Variants in DLG2 observed in about 807,000 individuals in gnomAD.
DLG2 encodes disks large homolog 2.
Under a neutral mutation model 132.5 loss-of-function variants are expected in DLG2, and 45 were observed. The ratio of observed to expected loss-of-function variants is 0.34; its 90% CI spans 0.27 to 0.44. The LOEUF (loss-of-function observed/expected upper bound fraction) is 0.44, where lower values mean the gene tolerates loss of function less well. DLG2 is among the 20% of genes least tolerant of loss of function. The probability of loss-of-function intolerance (pLI) is 1.00; values close to 1 mark genes in which losing one functional copy is unlikely to be tolerated. For missense variants in DLG2, 1,045 were observed against 1,196.9 expected (o/e 0.87, Z 1.87); for synonymous variants, 424 against 419.6 (o/e 1.01, Z -0.13).
At chr11:84,985,527 G>A (rs1293069657) in intron 6 of DLG2, among the ~76,000 whole-genome samples, 1 of 151,990 alleles carries the variant, frequency 6.6e-6, no homozygotes, top group Non-Finnish European at 1.5e-5. Flanking sequence ...CAAAAAGTCT[G>A]AAAGAGCACA....
At chr11:84,341,312 GGTA>G (rs1256283440) in intron 7 of DLG2, among the ~76,000 whole-genome samples, 1 of 152,050 alleles carries the variant, frequency 6.6e-6, no homozygotes, top group Non-Finnish European at 1.5e-5. Flanking sequence ...AATTGGTGGT[GGTA>G]GTAGTTGTGG....
chr11:84,523,418 T>C (rs959002915), intron 7 of DLG2, among the ~76,000 whole-genome samples: 6 of 152,212 alleles, frequency 3.9e-5, no homozygotes, highest in Non-Finnish European at 7.3e-5. Flanking sequence ...TGCTTTCCAC[T>C]ATATGCTATT....
At chr11:83,990,591 A>T in intron 11 of DLG2, among the ~76,000 whole-genome samples, 1 of 152,174 alleles carries the variant, frequency 6.6e-6, no homozygotes, top group Admixed American at 6.5e-5. Context: ...GCTGAAGCTC[A>T]GAATAAATAC....
intron 20 of DLG2, among the ~76,000 whole-genome samples, chr11:83,538,112 G>A (rs998489094): frequency 6.6e-6 from 1 of 152,202 alleles, no homozygotes; most frequent in East Asian, 1.9e-4. Flanking sequence ...TTAGCACAAT[G>A]TCTGATCTAT....
intron 6 of DLG2, among the ~76,000 whole-genome samples, chr11:85,083,217 G>T (rs539857507): frequency 8.0e-4 from 122 of 152,232 alleles, no homozygotes; most frequent in Non-Finnish European, 1.2e-3. Flanking sequence ...AGAAACCTTA[G>T]ATCTCAACCA....
At chr11:85,425,184 C>CTA (rs1194988672) in intron 3 of DLG2, among the ~76,000 whole-genome samples, 1 of 152,082 alleles carries the variant, frequency 6.6e-6, no homozygotes, top group Non-Finnish European at 1.5e-5. Flanking sequence ...AGGTTTAAAG[C>CTA]AGAACATCTC....
chr11:84,830,565 T>C (rs1042033822), intron 6 of DLG2, among the ~76,000 whole-genome samples: 5 of 151,534 alleles, frequency 3.3e-5, no homozygotes, highest in African/African-American at 4.8e-5. Flanking sequence ...CCCACACAAG[T>C]CCCAAGTGAC....
chr11:83,593,876 G>T (rs1251782937), intron 19 of DLG2, among the ~76,000 whole-genome samples: 1 of 151,086 alleles, frequency 6.6e-6, no homozygotes, highest in African/African-American at 2.4e-5. Context: ...TCATTTGACA[G>T]ATTAAACAGC....
At chr11:84,076,453 G>A (rs7116992) in intron 10 of DLG2, among the ~76,000 whole-genome samples, 30 of 152,076 alleles carry the variant, frequency 2.0e-4, no homozygotes, top group African/African-American at 5.8e-4. Context: ...TACGCCACGC[G>A]ATTATTGCTA....
chr11:83,641,668 C>T (rs1054366621), intron 18 of DLG2, among the ~76,000 whole-genome samples: 2 of 152,174 alleles, frequency 1.3e-5, no homozygotes, highest in Non-Finnish European at 2.9e-5. Flanking sequence ...GTCAAGAGCG[C>T]TGAGCTCTGG....
chr11:85,305,938 C>T (rs2079913273), intron 3 of DLG2, among the ~76,000 whole-genome samples: 1 of 152,096 alleles, frequency 6.6e-6, no homozygotes, highest in African/African-American at 2.4e-5. Context: ...CATATGTTCC[C>T]GGATCACAAG....
chr11:85,382,588 G>C (rs1019992096), intron 3 of DLG2, among the ~76,000 whole-genome samples: 7 of 151,830 alleles, frequency 4.6e-5, no homozygotes, highest in Admixed American at 4.6e-4. Flanking sequence ...ACATTTGCAA[G>C]TCATTTTTGA....
At chr11:85,247,911 C>T (rs912639860) in intron 4 of DLG2, among the ~76,000 whole-genome samples, 1 of 152,002 alleles carries the variant, frequency 6.6e-6, no homozygotes, top group Non-Finnish European at 1.5e-5. Context: ...GCTTTGGTCC[C>T]CTTCCAAATT....
rs1164812936 is a variant in DLG2, at chr11:84,983,149, AT to A, written c.357+128511del. 1.8e-4 allele frequency among the ~76,000 whole-genome samples: 28 copies of A among 152,292 alleles called. No individual in the cohort carries two copies. In the East Asian group the frequency reaches 5.0e-3, roughly 27 times the overall value. ...GACAGAGCAGTGTGTGGAGGCTTGC[AT>A]TGTGAACTTTTGTTCCAAAATGACT... On this transcript the variant is annotated intron_variant, in intron 6 of 27. Coordinates refer to ENST00000376104, the MANE Select transcript of DLG2 (RefSeq NM_001142699.3).
chr11:84,425,073 C>T (rs1263750464), intron 7 of DLG2, among the ~76,000 whole-genome samples: 4 of 152,060 alleles, frequency 2.6e-5, no homozygotes, highest in Non-Finnish European at 5.9e-5. Flanking sequence ...ATAGCTGGAT[C>T]ATTTCTGTAT....
chr11:85,418,012 T>A (rs12283233), intron 3 of DLG2, among the ~76,000 whole-genome samples: 21,401 of 152,194 alleles, frequency 0.14, 2,059 homozygotes, highest in Non-Finnish European at 0.22. Context: ...TTCTTCTATT[T>A]CTTTTAATTG....
intron 7 of DLG2, among the ~76,000 whole-genome samples, chr11:84,255,800 A>G (rs1029519061): frequency 1.2e-4 from 18 of 152,140 alleles, no homozygotes; most frequent in African/African-American, 4.3e-4. Context: ...ATTTATCTTT[A>G]TATACATCTA....
At chr11:84,369,429 A>T (rs1284397755) in intron 7 of DLG2, among the ~76,000 whole-genome samples, 3 of 152,186 alleles carry the variant, frequency 2.0e-5, no homozygotes, top group Non-Finnish European at 2.9e-5. Context: ...ATTAGATCTC[A>T]TGACAACAGT....
intron 6 of DLG2, among the ~76,000 whole-genome samples, chr11:84,961,166 T>C (rs1349661847): frequency 1.3e-5 from 1 of 77,088 alleles, no homozygotes; most frequent in East Asian, 3.4e-4. Flanking sequence ...GGTCTTCTGC[T>C]TGGTTGGTGC....
Sources: gnomAD v4.1 joint callset for allele counts (sites outside exome capture counted in the v4.1 genomes callset) on GRCh38, gnomAD v4.1.1 for gene constraint, MANE v1.5 for transcripts, NCBI Gene and HGNC (gene_info 2026-07-23, HGNC 2026-07-21) for gene names.